The following ENDOD1 variants were observed in gnomAD, a reference collection of about 807,000 sequenced individuals.
The protein encoded by ENDOD1 is endonuclease domain-containing 1 protein.
In ENDOD1, 9 loss-of-function variants were observed where a neutral mutation model predicts 6.5. The observed-to-expected ratio is 1.39, with a 90% CI of 0.84 to 2.43. The LOEUF (loss-of-function observed/expected upper bound fraction) is 2.43, where lower values mean the gene tolerates loss of function less well. Ranked by LOEUF, ENDOD1 falls within the 30% of genes most tolerant of loss-of-function variation. ENDOD1 has a pLI of 0.00. For missense variants in ENDOD1, 648 were observed against 635.5 expected, an observed-to-expected ratio of 1.02 and a Z score of -0.21; for synonymous variants, 255 against 255.2, an observed-to-expected ratio of 1.00 and a Z score of 0.01.
intron 1 of ENDOD1, among the ~76,000 whole-genome samples, chr11:95,122,765 A>G (rs1009289702): frequency 5.3e-5 from 8 of 152,242 alleles, no homozygotes; most frequent in Non-Finnish European, 5.9e-5. Flanking sequence ...AACAAAAGCT[A>G]TTAAAACATG....
rs1320858171 is a variant in ENDOD1 at position 95,089,869 on chromosome 11, G to A, written c.-59G>A. On this transcript the variant is annotated 5_prime_UTR_variant, in exon 1 of 2. Coordinates refer to ENST00000278505, the MANE Select transcript of ENDOD1 (RefSeq NM_015036.3). ...GCGTAGTGCGCTCCCCGCCCAGCCT[G>A]CAGAGCTCGCGCCGCGGCAGCCCAG... The A allele has an allele frequency of 7.8e-7, 1 of 1,282,504 alleles. No homozygotes were observed. The highest frequency in any genetic ancestry group is 9.9e-7 in the Non-Finnish European group (1 of 1,012,914). The allele number at this position is 1,282,504 out of a possible 1,614,324, so 79.4% of individuals were successfully genotyped here. A position where few individuals can be genotyped will look rare whatever the true frequency, so the allele number is the denominator to read the frequency against.
chr11:95,124,784 C>T (rs938947217), intron 1 of ENDOD1, among the ~76,000 whole-genome samples: 4 of 152,188 alleles, frequency 2.6e-5, no homozygotes, highest in Admixed American at 1.3e-4. Flanking sequence ...GCCCCATGAA[C>T]TTAAGTGATC....
chr11:95,090,250 C>T (rs1235841327), intron 1 of ENDOD1, 23 bp downstream of exon 1: 5 of 1,356,508 alleles, frequency 3.7e-6, no homozygotes, highest in Admixed American at 3.5e-5. Flanking sequence ...GTTCCCGAGC[C>T]GGGCTGCGGG....
intron 1 of ENDOD1, among the ~76,000 whole-genome samples, chr11:95,108,824 C>T (rs538220078): frequency 1.7e-4 from 26 of 152,114 alleles, no homozygotes; most frequent in South Asian, 8.3e-4. Context: ...AGGACTCACC[C>T]GAGCCTCAGA....
At chr11:95,092,702 G>C (rs1368102222) in intron 1 of ENDOD1, among the ~76,000 whole-genome samples, 1 of 152,164 alleles carries the variant, frequency 6.6e-6, no homozygotes, top group Non-Finnish European at 1.5e-5. Flanking sequence ...TATTGGGAGA[G>C]AGGGAGGGAG....
rs1859347200 is a variant in ENDOD1, at chr11:95,129,372, T to C, written c.1296T>C (p.Arg432=). ...AICRVLSIPV[R]VLVDVATFPV... ...GCCGAGTTCTGAGCATCCCTGTCCG[T>C]GTCCTTGTGGATGTGGCCACTTTCC... is the stretch of plus-strand genomic sequence containing the variant. The change falls in exon 2 of 2, where the codon CGT becomes CGC. Residue 432 remains arginine, a synonymous_variant. Coordinates refer to ENST00000278505, the MANE Select transcript of ENDOD1 (RefSeq NM_015036.3). The C allele has an allele frequency of 1.9e-6, 3 of 1,614,068 alleles. No individual in the cohort carries two copies. The highest frequency in any genetic ancestry group is 8.5e-7 in the Non-Finnish European group (1 of 1,180,036).
At chr11:95,110,068 G>A (rs1555111752) in intron 1 of ENDOD1, among the ~76,000 whole-genome samples, 1 of 152,240 alleles carries the variant, frequency 6.6e-6, no homozygotes, top group East Asian at 1.9e-4. Flanking sequence ...CATCCATGGG[G>A]CCTTTCTTTT....
At chr11:95,113,092 T>C (rs551552567) in intron 1 of ENDOD1, among the ~76,000 whole-genome samples, 25 of 152,096 alleles carry the variant, frequency 1.6e-4, no homozygotes, top group Admixed American at 1.4e-3. Flanking sequence ...ATATAAGATA[T>C]TTTGATACAG....
chr11:95,125,216 A>G (rs1243960158), intron 1 of ENDOD1, among the ~76,000 whole-genome samples: 4 of 152,156 alleles, frequency 2.6e-5, no homozygotes, highest in Non-Finnish European at 2.9e-5. Flanking sequence ...ATTCCCCTAG[A>G]AGGAATGAAG....
intron 1 of ENDOD1, among the ~76,000 whole-genome samples, chr11:95,123,188 C>CA (rs57764199): frequency 4.9e-4 from 67 of 136,214 alleles, no homozygotes; most frequent in Middle Eastern, 7.5e-3. Context: ...GACTCCGTCT[C>CA]AAAAAAAAAA....
intron 1 of ENDOD1, among the ~76,000 whole-genome samples, chr11:95,099,655 G>A (rs1859019367): frequency 6.6e-6 from 1 of 152,232 alleles, no homozygotes; most frequent in African/African-American, 2.4e-5. Context: ...CTCTAACTCA[G>A]AACGTATACC....
At chr11:95,102,908 T>C (rs1859054559) in intron 1 of ENDOD1, among the ~76,000 whole-genome samples, 1 of 152,170 alleles carries the variant, frequency 6.6e-6, no homozygotes, top group Non-Finnish European at 1.5e-5. Flanking sequence ...CTGTGGACTT[T>C]CCCAGTTTTC....
chr11:95,093,105 T>TA (rs1858946835), intron 1 of ENDOD1, among the ~76,000 whole-genome samples: 1 of 152,198 alleles, frequency 6.6e-6, no homozygotes, highest in Non-Finnish European at 1.5e-5. Flanking sequence ...CACAGAAACT[T>TA]AGTCACTCTT....
intron 1 of ENDOD1, among the ~76,000 whole-genome samples, chr11:95,097,627 T>C (rs1555110452): frequency 6.6e-6 from 1 of 152,216 alleles, no homozygotes; most frequent in African/African-American, 2.4e-5. Flanking sequence ...TAGGACCATT[T>C]TGGCTGCTGC....
chr11:95,128,721 C>G lies in ENDOD1; in HGVS notation c.645C>G (p.Val215=), dbSNP rs1338459257. Residue 215 remains valine (V), a synonymous_variant, in exon 2 of 2, where the codon GTC becomes GTG. Transcript: ENST00000278505. ...SDYRVKDKVA[V]PEFVWLAACC... ...ACAGAGTTAAAGACAAAGTGGCAGT[C>G]CCTGAGTTTGTTTGGCTGGCAGCCT... is the stretch of plus-strand genomic sequence containing the variant. The G allele has an allele frequency of 6.2e-7, 1 of 1,614,146 alleles. No homozygotes were observed. Among genetic ancestry groups the G allele is most frequent in the Non-Finnish European group, 8.5e-7 (1 of 1,180,018 alleles).
rs1310641555 is a variant in ENDOD1, at chr11:95,130,478, A to G, written c.*899A>G. 1 of 152,176 alleles carries G rather than the reference A, an allele frequency of 6.6e-6. No individual in the cohort carries two copies. The highest frequency in any genetic ancestry group is 1.5e-5 in the Non-Finnish European group (1 of 68,028). 9.4% of individuals were successfully genotyped at this position (152,176 alleles called of 1,614,324 possible). On this transcript the variant is annotated 3_prime_UTR_variant, in exon 2 of 2. Transcript: ENST00000278505. ...AACTTGACGTGTATCCCTGCCTGAC[A>G]AGGTTGAACTGAAAGATCTATATGT...
chr11:95,109,668 G>T (rs1046287774), intron 1 of ENDOD1, among the ~76,000 whole-genome samples: 1 of 152,250 alleles, frequency 6.6e-6, no homozygotes, highest in Non-Finnish European at 1.5e-5. Context: ...ACTCTGAGGC[G>T]CTGTCTCCAC....
At chr11:95,109,598 C>G (rs782255985) in intron 1 of ENDOD1, among the ~76,000 whole-genome samples, 3 of 152,262 alleles carry the variant, frequency 2.0e-5, no homozygotes, top group Non-Finnish European at 4.4e-5. Flanking sequence ...CAGTGGCAGA[C>G]TCCTCTGCTT....
At chr11:95,107,346 A>G (rs1231799156) in intron 1 of ENDOD1, among the ~76,000 whole-genome samples, 6 of 151,928 alleles carry the variant, frequency 3.9e-5, no homozygotes, top group Admixed American at 6.5e-5. Context: ...AAAGAAAAAA[A>G]AAAAAAAAGG....
Sources: allele counts gnomAD v4.1 joint callset (sites outside exome capture counted in the v4.1 genomes callset), GRCh38; gene constraint gnomAD v4.1.1; transcripts MANE v1.5; gene names NCBI Gene and HGNC (gene_info 2026-07-23, HGNC 2026-07-21).